The following LCOR variants were observed in gnomAD, a reference collection of about 807,000 sequenced individuals.
LCOR encodes ligand dependent nuclear receptor corepressor.
A neutral mutation model predicts 64.4 loss-of-function variants in LCOR; 14 were observed. The ratio of observed to expected loss-of-function variants is 0.22; its 90% CI spans 0.14 to 0.34. LCOR has a LOEUF of 0.34. Ranked by LOEUF, LCOR falls within the 10% of genes least tolerant of loss-of-function variation. The pLI is 1.00. For missense variants in LCOR, 1,686 were observed against 1,765.3 expected, an observed-to-expected ratio of 0.96 and a Z score of 0.80; for synonymous variants, 643 against 642.5, an observed-to-expected ratio of 1.00 and a Z score of -0.01.
chr10:96,897,101 C>CAAAAAAAAAAAAAAAAAACA (rs370380714), intron 2 of LCOR, among the ~76,000 whole-genome samples: 3 of 78,856 alleles, frequency 3.8e-5, no homozygotes, highest in African/African-American at 8.3e-5. Context: ...GAAAGAAAAG[C>CAAAAAAAAAAAAAAAAAACA]AAAAAAAAAA....
intron 2 of LCOR, among the ~76,000 whole-genome samples, chr10:96,851,615 T>C (rs775948113): frequency 1.1e-4 from 17 of 152,184 alleles, no homozygotes; most frequent in African/African-American, 4.1e-4. Context: ...ACAGAAAATG[T>C]TGTGAATGAG....
intron 2 of LCOR, among the ~76,000 whole-genome samples, chr10:96,901,695 G>A (rs895031183): frequency 3.9e-5 from 6 of 152,024 alleles, no homozygotes; most frequent in African/African-American, 1.4e-4. Context: ...TTCTCATTAT[G>A]TATGTGTCTT....
chr10:96,967,914 C>A (rs1013867982), intron 7 of LCOR, among the ~76,000 whole-genome samples: 3 of 152,098 alleles, frequency 2.0e-5, no homozygotes. Context: ...TCATCAGATA[C>A]AATCAGTCTT....
Position 96,892,324 on chromosome 10 carries a change from T to C in LCOR, c.-329-14941T>C, listed in dbSNP as rs143179854. On this transcript the variant is annotated intron_variant, in intron 2 of 7. Transcript: ENST00000421806. ...CTTAAATGTTCTTGATTGACTCTTA[T>C]CATTATATAATGTCCTTTGTCTTTT... Among the ~76,000 whole-genome samples the C allele has an allele frequency of 3.0e-3, 459 of 152,322 alleles. 3 individuals carry two copies. Among genetic ancestry groups the C allele is most frequent in the African/African-American group, 0.011 (439 of 41,576 alleles).
At chr10:96,955,395 C>A (rs1366501704) in intron 7 of LCOR, 3 of 1,613,914 alleles carry the variant, frequency 1.9e-6, no homozygotes, top group African/African-American at 1.3e-5. Context: ...ACCACAAGTT[C>A]GAGGAATGGA....
intron 7 of LCOR, among the ~76,000 whole-genome samples, chr10:96,965,006 TAAA>T (rs199815564): frequency 1.4e-3 from 211 of 151,738 alleles, no homozygotes; most frequent in Non-Finnish European, 1.6e-3. Context: ...GCTCAACATT[TAAA>T]AAAAATTTTT....
intron 2 of LCOR, among the ~76,000 whole-genome samples, chr10:96,875,372 CAAAT>C (rs1348047415): frequency 2.0e-5 from 3 of 150,390 alleles, no homozygotes; most frequent in Non-Finnish European, 3.0e-5. Context: ...GACTCTGTCT[CAAAT>C]AAAAAAAAAA....
chr10:96,859,483 A>AAT (rs1845854047), intron 2 of LCOR, among the ~76,000 whole-genome samples: 1 of 151,918 alleles, frequency 6.6e-6, no homozygotes, highest in African/African-American at 2.4e-5. Flanking sequence ...AAGTGCTAGG[A>AAT]TTATAGGTGC....
chr10:96,965,661 CAAAA>C (rs755222216), intron 7 of LCOR, among the ~76,000 whole-genome samples: 3 of 65,318 alleles, frequency 4.6e-5, no homozygotes, highest in South Asian at 5.3e-4. Context: ...GACTCTGTCT[CAAAA>C]AAAAAAAAAA....
At chr10:96,887,896 G>C (rs965218659) in intron 2 of LCOR, among the ~76,000 whole-genome samples, 2 of 151,346 alleles carry the variant, frequency 1.3e-5, no homozygotes, top group African/African-American at 4.8e-5. Context: ...GGCCAGGCTG[G>C]TCTTGAACTC....
intron 4 of LCOR, among the ~76,000 whole-genome samples, chr10:96,940,824 C>T (rs192203607): frequency 0.032 from 4,799 of 149,292 alleles, 120 homozygotes; most frequent in Non-Finnish European, 0.05. Flanking sequence ...CCCAATGAGC[C>T]GCTAGGCACA....
intron 2 of LCOR, among the ~76,000 whole-genome samples, chr10:96,905,001 T>G (rs1846703876): frequency 6.6e-6 from 1 of 152,184 alleles, no homozygotes; most frequent in African/African-American, 2.4e-5. Flanking sequence ...GAGTGACTTG[T>G]TTACAGTTGC....
intron 2 of LCOR, among the ~76,000 whole-genome samples, chr10:96,847,889 C>T (rs1398576921): frequency 6.6e-6 from 1 of 152,182 alleles, no homozygotes; most frequent in Admixed American, 6.5e-5. Flanking sequence ...GGCAAGATAG[C>T]AGAGGATTGA....
At chr10:96,977,847 A>G (rs1054405724) in intron 7 of LCOR, among the ~76,000 whole-genome samples, 43 of 152,108 alleles carry the variant, frequency 2.8e-4, no homozygotes, top group African/African-American at 1.0e-3. Flanking sequence ...TAGCCCAGTG[A>G]TTTTTTACTG....
intron 2 of LCOR, among the ~76,000 whole-genome samples, chr10:96,840,084 G>T (rs1489023673): frequency 6.6e-6 from 1 of 152,148 alleles, no homozygotes; most frequent in African/African-American, 2.4e-5. Context: ...GTTAGGTTTG[G>T]TCTGTTACAA....
At chr10:96,941,208 CCCGGACGGGGCGGCTGG>C (rs1207150710) in intron 4 of LCOR, among the ~76,000 whole-genome samples, 46 of 141,784 alleles carry the variant, frequency 3.2e-4, no homozygotes, top group African/African-American at 1.2e-3. Context: ...CCACCTCCCT[CCCGGACGGGGCGGCTGG>C]CCGGGCGGGG....
chr10:96,896,664 TC>T (rs1206070599), intron 2 of LCOR, among the ~76,000 whole-genome samples: 9 of 152,156 alleles, frequency 5.9e-5, no homozygotes, highest in Admixed American at 1.3e-4. Flanking sequence ...CCTCAGGTGA[TC>T]CACCCGCCCT....
chr10:96,868,907 T>TTTG (rs912649306), intron 2 of LCOR, among the ~76,000 whole-genome samples: 1 of 151,990 alleles, frequency 6.6e-6, no homozygotes, highest in African/African-American at 2.4e-5. Context: ...ATTGTTGGTT[T>TTTG]TTGTTGTTGT....
intron 1 of LCOR, chr10:96,833,074 A>G: frequency 1.0e-6 from 1 of 986,200 alleles, no homozygotes; most frequent in Non-Finnish European, 1.2e-6. Flanking sequence ...GCACTTCCTC[A>G]GCGGGCGGCG....
Sources: gnomAD v4.1 joint callset for allele counts (sites outside exome capture counted in the v4.1 genomes callset) on GRCh38, gnomAD v4.1.1 for gene constraint, MANE v1.5 for transcripts, NCBI Gene and HGNC (gene_info 2026-07-23, HGNC 2026-07-21) for gene names.